The following PCLO variants were observed in gnomAD, a reference collection of about 807,000 sequenced individuals.
PCLO encodes protein piccolo.
Under a neutral mutation model 427.5 loss-of-function variants are expected in PCLO, and 82 were observed. That is an observed-to-expected ratio of 0.19 (90% CI 0.16 to 0.23). The LOEUF (loss-of-function observed/expected upper bound fraction) is 0.23. Ranked by LOEUF, PCLO falls within the 10% of genes least tolerant of loss-of-function variation. The probability of loss-of-function intolerance (pLI) is 1.00; values close to 1 mark genes in which losing one functional copy is unlikely to be tolerated. For missense variants in PCLO, 6,239 were observed against 6,115.9 expected, an observed-to-expected ratio of 1.02 and a Z score of -0.67; for synonymous variants, 2,357 against 2,155.4, an observed-to-expected ratio of 1.09 and a Z score of -2.59.
At chr7:82,787,928 G>A (rs1371342869) in intron 22 of PCLO, among the ~76,000 whole-genome samples, 1 of 151,980 alleles carries the variant, frequency 6.6e-6, no homozygotes, top group Non-Finnish European at 1.5e-5. Flanking sequence ...AGAAAAAGCT[G>A]TCTTGAAAAT....
rs1562880305 is a variant in PCLO, at chr7:82,953,823, G to A, written c.7130C>T (p.Pro2377Leu). 1 of 1,611,250 alleles carries A rather than the reference G, an allele frequency of 6.2e-7. No individual in the cohort carries two copies. Among genetic ancestry groups the A allele is most frequent in the South Asian group, 1.1e-5 (1 of 90,890 alleles). ...AGAGGAAACAGAAGGACTGCCAGAT[G>A]GTAACTGAGATGCAGGTTTTTCCTG... is the stretch of plus-strand genomic sequence containing the variant. ...FGQEKPASQL[P>L]SGSPSVSSLP... The change falls in exon 5 of 25, where the codon CCA becomes CTA. Residue 2377 changes from proline to leucine, a missense_variant. Pro to Leu is a moderately conservative substitution (Grantham distance 98). Around this residue, in one of 5 missense-constraint regions of PCLO, gnomAD observed 4,677 missense variants for 4,468.4 expected, o/e 1.05. Coordinates refer to ENST00000333891, the MANE Select transcript of PCLO (RefSeq NM_033026.6).
intron 3 of PCLO, among the ~76,000 whole-genome samples, chr7:82,980,061 A>C (rs1220883059): frequency 1.3e-5 from 2 of 152,070 alleles, no homozygotes; most frequent in Non-Finnish European, 2.9e-5. Context: ...CACTGAGACT[A>C]ACCCTAGAAC....
In PCLO at chr7:83,134,825, G is replaced by A. The variant is rs543614401; in HGVS notation, c.2725C>T (p.Leu909=). The A allele has an allele frequency of 6.2e-7, 1 of 1,613,322 alleles. No individual in the cohort carries two copies. The highest frequency in any genetic ancestry group is 1.1e-5 in the South Asian group (1 of 91,030). ...QEQSRRFSLN[L]GSITDAPKSQ... ...TTGGGGGCATCAGTAATACTTCCCA[G>A]ATTCAGACTGAAACGCCTTGACTGC... is the stretch of plus-strand genomic sequence containing the variant. The change falls in exon 3 of 25, where the codon CTG becomes TTG. Residue 909 remains leucine (L), a synonymous_variant. Transcript: ENST00000333891.
rs1213455229 is a variant in PCLO at position 83,134,511 on chromosome 7, T to C, written c.3039A>G (p.Glu1013=). Residue 1013 remains glutamate (E), a synonymous_variant, in exon 3 of 25, where the codon GAA becomes GAG. Transcript: ENST00000333891. ...CTGTTCTTTTTACTGTTGGAGCTTGTTCAGCTTTGGGCTCTAATTTTTCAG... is the reference window on the plus strand; with the variant it reads ...CTGTTCTTTTTACTGTTGGAGCTTGCTCAGCTTTGGGCTCTAATTTTTCAG... ...PAAEKLEPKA[E]QAPTVKRTET... is the part of the protein sequence containing the mutation. 2.5e-6 allele frequency: 4 copies of C among 1,613,846 alleles called. No individual in the cohort carries two copies. Among genetic ancestry groups the C allele is most frequent in the Non-Finnish European group, 3.4e-6 (4 of 1,179,888 alleles).
intron 7 of PCLO, among the ~76,000 whole-genome samples, chr7:82,913,802 T>C (rs1396568269): frequency 6.6e-6 from 1 of 152,080 alleles, no homozygotes; most frequent in Non-Finnish European, 1.5e-5. Flanking sequence ...CAGTTTTTAG[T>C]TAAGTATTTA....
In PCLO at chr7:82,824,367, C is replaced by T; in HGVS notation, c.14465G>A (p.Trp4822Ter). 1 of 1,612,422 alleles carries T rather than the reference C, an allele frequency of 6.2e-7. No homozygotes were observed. Among genetic ancestry groups the T allele is most frequent in the Non-Finnish European group, 8.5e-7 (1 of 1,179,020 alleles). Residue 4822 changes from tryptophan (W) to a stop codon, truncating the protein, a stop_gained, in exon 19 of 25, where the codon TGG becomes TAG. Transcript: ENST00000333891. LOFTEE classifies it high-confidence loss of function. Reference sequence around the variant, plus strand: ...TTCAGTCTGTTCTTTGAGAGGATACCACCTTGGAGTGTTATCGAGGTGAGA... The same window carrying T: ...TTCAGTCTGTTCTTTGAGAGGATACTACCTTGGAGTGTTATCGAGGTGAGA... The part of the protein sequence containing the change: ...STSHLDNTPR[W>*]YPLKEQTESI...
intron 9 of PCLO, among the ~76,000 whole-genome samples, chr7:82,898,019 ATAAAT>A (rs1793947882): frequency 6.6e-6 from 1 of 151,526 alleles, no homozygotes; most frequent in South Asian, 2.1e-4. Flanking sequence ...CCATGTTAAA[ATAAAT>A]AATACTTTAT....
chr7:83,127,607 G>A (rs750707885), intron 3 of PCLO, among the ~76,000 whole-genome samples: 10 of 151,946 alleles, frequency 6.6e-5, no homozygotes, highest in Non-Finnish European at 1.2e-4. Context: ...AAAATGAAAG[G>A]AAGAAAATAC....
chr7:82,978,476 CATAAG>C (rs928838671), intron 3 of PCLO, among the ~76,000 whole-genome samples: 5 of 152,002 alleles, frequency 3.3e-5, no homozygotes, highest in Admixed American at 1.3e-4. Context: ...TAAATCCATT[CATAAG>C]ATAATTATTA....
chr7:83,094,300 C>A (rs1300178141), intron 3 of PCLO, among the ~76,000 whole-genome samples: 1 of 151,002 alleles, frequency 6.6e-6, no homozygotes, highest in East Asian at 2.0e-4. Context: ...CCTTCACCTC[C>A]TGAGTTCAAG....
intron 3 of PCLO, among the ~76,000 whole-genome samples, chr7:83,093,492 A>ATATATATATATTTTTT: frequency 6.1e-4 from 36 of 59,312 alleles, no homozygotes; most frequent in African/African-American, 1.9e-3. Flanking sequence ...ATATATATAT[A>ATATATATATATTTTTT]TTTTTTTTTT....
At position 82,953,948 on chromosome 7, in the gene PCLO, T is replaced by G; in HGVS notation, c.7005A>C (p.Leu2335Phe). 1 of 1,613,942 alleles carries G rather than the reference T, an allele frequency of 6.2e-7. No homozygotes were observed. The highest frequency in any genetic ancestry group is 8.5e-7 in the Non-Finnish European group (1 of 1,179,852). ...ELEAERTKSS[L>F]SETVFDHPPS... ...GTGGGTGATCAAACACGGTTTCGGA[T>G]AAGCTACTTTTTGTTCGTTCGGCCT... The change falls in exon 5 of 25, where the codon TTA becomes TTC. Residue 2335 changes from leucine (L) to phenylalanine (F), a missense_variant. Physicochemically the swap from Leu to Phe is conservative, Grantham distance 22. Around this residue, in one of 5 missense-constraint regions of PCLO, gnomAD observed 4,677 missense variants for 4,468.4 expected, o/e 1.05. Transcript: ENST00000333891.
chr7:82,855,673 A>T (rs1226621339), intron 10 of PCLO, among the ~76,000 whole-genome samples: 1 of 152,162 alleles, frequency 6.6e-6, no homozygotes, highest in Admixed American at 6.6e-5. Context: ...ACAGAAATGA[A>T]TAAAATTTGA....
At chr7:83,024,461 AC>A (rs746039541) in intron 3 of PCLO, among the ~76,000 whole-genome samples, 1 of 152,158 alleles carries the variant, frequency 6.6e-6, no homozygotes, top group Non-Finnish European at 1.5e-5. Flanking sequence ...TCCTACGCCC[AC>A]GGAGTCTCGC....
rs1206006095 is a variant in PCLO, at chr7:83,098,364, T to G, written c.3300+35886A>C. 2.0e-5 allele frequency among the ~76,000 whole-genome samples: 3 copies of G among 152,110 alleles called. No individual in the cohort carries two copies. In the East Asian group the frequency reaches 5.8e-4, roughly 29 times the overall value. ...ATATTTATTAGTGTATTGTTAATGA[T>G]CAAGTAACAAAAATAGAAATGCATT... On this transcript the variant is annotated intron_variant, in intron 3 of 24. Coordinates refer to ENST00000333891, the MANE Select transcript of PCLO (RefSeq NM_033026.6).
In PCLO at chr7:83,162,475, C is replaced by T; in HGVS notation, c.118G>A (p.Gly40Ser). ...GSPSHTAIPA[G>S]MEADLSQLSE... ...AGCTGGCTCAAATCCGCCTCCATGC[C>T]GGCCGGGATCGCGGTGTGAGAGGGG... Residue 40 changes from glycine (G) to serine (S), a missense_variant, in exon 1 of 25, where the codon GGC becomes AGC. Around this residue, in one of 5 missense-constraint regions of PCLO, gnomAD observed 4,677 missense variants for 4,468.4 expected, o/e 1.05. Coordinates refer to ENST00000333891, the MANE Select transcript of PCLO (RefSeq NM_033026.6). 3 of 1,581,826 alleles carry T rather than the reference C, an allele frequency of 1.9e-6. No individual in the cohort carries two copies. Among genetic ancestry groups the T allele is most frequent in the East Asian group, 2.3e-5 (1 of 42,948 alleles).
intron 3 of PCLO, among the ~76,000 whole-genome samples, chr7:83,121,066 G>C (rs1050002545): frequency 2.6e-5 from 4 of 152,048 alleles, no homozygotes; most frequent in African/African-American, 9.7e-5. Flanking sequence ...GGCAGATCAC[G>C]AGGTCAGGAG....
chr7:83,045,797 G>A lies in PCLO; in HGVS notation c.3301-79310C>T, dbSNP rs540221746. Among the ~76,000 whole-genome samples the A allele has an allele frequency of 2.6e-4, 39 of 152,208 alleles. 1 individual carries two copies. The highest frequency in any genetic ancestry group is 1.2e-3 in the South Asian group (6 of 4,822). On this transcript the variant is annotated intron_variant, in intron 3 of 24. Transcript: ENST00000333891. ...GTTGTATAATACTGCAAAAGAGGCA[G>A]ACCTCTCTCAGGAGGAATATCACCA...
chr7:82,806,323 G>A (rs1360060127), intron 20 of PCLO, among the ~76,000 whole-genome samples: 1 of 152,120 alleles, frequency 6.6e-6, no homozygotes, highest in African/African-American at 2.4e-5. Context: ...TTTAAGAAGT[G>A]ATTGAAAATT....
Sources: allele counts gnomAD v4.1 joint callset (sites outside exome capture counted in the v4.1 genomes callset), GRCh38; gene constraint gnomAD v4.1.1; regional missense constraint gnomAD v4.1.1; transcripts MANE v1.5; gene names NCBI Gene and HGNC (gene_info 2026-07-23, HGNC 2026-07-21).